ATR: variants seen among roughly 807,000 people sequenced by gnomAD.
The protein encoded by ATR is ATR checkpoint kinase.
A neutral mutation model predicts 305.3 loss-of-function variants in ATR; 142 were observed. The ratio of observed to expected loss-of-function variants is 0.47; its 90% confidence interval spans 0.41 to 0.53. ATR has a LOEUF of 0.53. ATR is among the 20% of genes least tolerant of loss of function. The probability of loss-of-function intolerance (pLI) is 0.00; values close to 1 mark genes in which losing one functional copy is unlikely to be tolerated. For synonymous variants in ATR, 1,050 were observed against 1,068.1 expected (o/e 0.98, Z 0.33); for missense variants, 2,135 against 3,133.1 (o/e 0.68, Z 7.60).
intron 19 of ATR, among the ~76,000 whole-genome samples, chr3:142,537,242 CTT>C (rs10717093): frequency 3.8e-4 from 57 of 148,610 alleles, no homozygotes; most frequent in East Asian, 5.9e-4. Context: ...GCTCTTTTTG[CTT>C]TTTTTTTTTT....
chr3:142,491,788 T>G (rs1282472637), intron 35 of ATR, among the ~76,000 whole-genome samples: 1 of 152,228 alleles, frequency 6.6e-6, no homozygotes, highest in Non-Finnish European at 1.5e-5. Flanking sequence ...TGCCATTTGC[T>G]TTGGCTGTTG....
chr3:142,485,291 A>T lies in ATR; in HGVS notation c.6079-9T>A, dbSNP rs946009279. 7 of 1,614,036 alleles carry T rather than the reference A, an allele frequency of 4.3e-6. No individual in the cohort carries two copies. The highest frequency in any genetic ancestry group is 5.9e-6 in the Non-Finnish European group (7 of 1,179,952). ...AGGCACGCGGTCACATCCTATAAAA[A>T]AGAACATAGGATACCTACCTAAGGA... On this transcript the variant is annotated splice_polypyrimidine_tract_variant and intron_variant, in intron 35 of 46. Coordinates refer to ENST00000350721, the MANE Select transcript of ATR (RefSeq NM_001184.4).
chr3:142,566,505 C>T (rs1393311891), intron 2 of ATR, among the ~76,000 whole-genome samples: 1 of 151,838 alleles, frequency 6.6e-6, no homozygotes, highest in Non-Finnish European at 1.5e-5. Flanking sequence ...TGCCTATAGT[C>T]CCAGCTACTC....
chr3:142,511,178 T>G (rs2032537380), intron 27 of ATR, among the ~76,000 whole-genome samples: 1 of 151,718 alleles, frequency 6.6e-6, no homozygotes, highest in Non-Finnish European at 1.5e-5. Flanking sequence ...AAGTGAAGAA[T>G]GACAAAGAAC....
chr3:142,469,949 C>G, intron 37 of ATR, 137 bp downstream of exon 37: 1 of 683,690 alleles, frequency 1.5e-6, no homozygotes, highest in South Asian at 1.9e-5. Context: ...CATTTAGTAT[C>G]TTACTCACAC....
chr3:142,478,941 G>C (rs1398226371), intron 36 of ATR, among the ~76,000 whole-genome samples: 1 of 151,932 alleles, frequency 6.6e-6, no homozygotes, highest in African/African-American at 2.4e-5. Flanking sequence ...CCATTTGCTT[G>C]GTAGATCTTC....
intron 21 of ATR, among the ~76,000 whole-genome samples, chr3:142,531,531 T>G (rs1236301507): frequency 6.6e-6 from 1 of 152,164 alleles, no homozygotes; most frequent in African/African-American, 2.4e-5. Context: ...TTGAAATAGT[T>G]TGCTGAGAAT....
In ATR at chr3:142,503,371, T is replaced by C. The variant is rs2032077603; in HGVS notation, c.5279A>G (p.His1760Arg). The change falls in exon 30 of 47, where the codon CAT becomes CGT. Residue 1760 changes from histidine (H) to arginine (R), a missense_variant. Transcript: ENST00000350721. ...TTTTATAAAATATTACCTGTTAGCA[T>C]GCACTCCATTCACCTGAGTGATAAC... ...STVITQVNGV[H>R]ANRSEWTDEL... 2 of 1,601,468 alleles carry C rather than the reference T, an allele frequency of 1.2e-6. No homozygotes were observed. Among genetic ancestry groups the C allele is most frequent in the Non-Finnish European group, 1.7e-6 (2 of 1,168,946 alleles).
chr3:142,457,488 T>TA (rs1259957622), intron 45 of ATR, 116 bp downstream of exon 45: 6 of 1,231,236 alleles, frequency 4.9e-6, no homozygotes, highest in Middle Eastern at 2.0e-4. Flanking sequence ...AGCTATTATT[T>TA]AAAAAAACTA....
intron 1 of ATR, among the ~76,000 whole-genome samples, chr3:142,568,879 ACTTTGGGCAGGCCAAG>A (rs1385937412): frequency 1.3e-5 from 2 of 152,350 alleles, no homozygotes; most frequent in South Asian, 2.1e-4. Context: ...CTCCCTCTGG[ACTTTGGGCAGGCCAAG>A]CGGTAGGCTG....
At chr3:142,536,525 T>C (rs562019924) in intron 19 of ATR, among the ~76,000 whole-genome samples, 81 of 152,346 alleles carry the variant, frequency 5.3e-4, no homozygotes, top group African/African-American at 1.6e-3. Flanking sequence ...GCAGAAGATA[T>C]ACTGTGCCAA....
intron 6 of ATR, 50 bp downstream of exon 6, chr3:142,560,213 C>G: frequency 6.4e-7 from 1 of 1,553,162 alleles, no homozygotes; most frequent in South Asian, 1.1e-5. Flanking sequence ...ACAGTAAATC[C>G]AAGTTCATTA....
At chr3:142,573,918 A>T (rs2035355586) in intron 1 of ATR, among the ~76,000 whole-genome samples, 1 of 152,246 alleles carries the variant, frequency 6.6e-6, no homozygotes, top group Admixed American at 6.5e-5. Flanking sequence ...ATCTGTAATT[A>T]CAAGGTAACA....
intron 1 of ATR, among the ~76,000 whole-genome samples, chr3:142,576,442 C>T (rs979377754): frequency 6.6e-6 from 1 of 152,024 alleles, no homozygotes; most frequent in Non-Finnish European, 1.5e-5. Flanking sequence ...GAAGACAGCA[C>T]AGATTAAAAG....
At chr3:142,453,947 G>C (rs2070846255) in intron 45 of ATR, among the ~76,000 whole-genome samples, 1 of 152,106 alleles carries the variant, frequency 6.6e-6, no homozygotes, top group African/African-American at 2.4e-5. Flanking sequence ...CTGGCTGTTG[G>C]CCCAAACTAG....
At chr3:142,548,193 A>T (rs976555548) in intron 15 of ATR, among the ~76,000 whole-genome samples, 6 of 152,180 alleles carry the variant, frequency 3.9e-5, no homozygotes, top group Non-Finnish European at 2.9e-5. Flanking sequence ...AATATCATCA[A>T]CTCATTATTG....
intron 24 of ATR, among the ~76,000 whole-genome samples, chr3:142,517,635 T>A (rs1053931677): frequency 1.3e-5 from 2 of 152,212 alleles, no homozygotes; most frequent in African/African-American, 4.8e-5. Flanking sequence ...TGAGGAACCA[T>A]TCGAGAGGTT....
At chr3:142,542,915 T>A (rs2034107724) in intron 16 of ATR, among the ~76,000 whole-genome samples, 158 bp from the exon 17 acceptor site, 1 of 152,222 alleles carries the variant, frequency 6.6e-6, no homozygotes, top group Non-Finnish European at 1.5e-5. Context: ...AAAGCATATA[T>A]CTTCACATGT....
intron 16 of ATR, among the ~76,000 whole-genome samples, chr3:142,544,676 G>T (rs1034578721): frequency 2.8e-5 from 4 of 143,634 alleles, no homozygotes; most frequent in Non-Finnish European, 6.1e-5. Context: ...AAAGCATTTT[G>T]AACTCCATAA....
Sources: gnomAD v4.1 joint callset for allele counts (sites outside exome capture counted in the v4.1 genomes callset) on GRCh38, gnomAD v4.1.1 for gene constraint, MANE v1.5 for transcripts, NCBI Gene and HGNC (gene_info 2026-07-23, HGNC 2026-07-21) for gene names.